CCDC158: variants seen among roughly 807,000 people sequenced by gnomAD.
The protein encoded by CCDC158 is coiled-coil domain containing 158.
A neutral mutation model predicts 138.6 loss-of-function variants in CCDC158; 116 were observed. That is an observed-to-expected ratio of 0.84 (90% CI 0.72 to 0.98). The LOEUF is 0.98. Among genes scored for constraint, CCDC158 ranks in the 50% least tolerant of loss-of-function variants. CCDC158 has a pLI of 0.00. For synonymous variants in CCDC158, 436 were observed against 442.4 expected, an observed-to-expected ratio of 0.99 and a Z score of 0.18; for missense variants, 1,265 against 1,306.1, an observed-to-expected ratio of 0.97 and a Z score of 0.48.
intron 4 of CCDC158, among the ~76,000 whole-genome samples, chr4:76,390,547 C>A (rs1183810585): frequency 6.6e-6 from 1 of 151,238 alleles, no homozygotes; most frequent in East Asian, 1.9e-4. Context: ...AGGAGGAATA[C>A]AGGAAGGAAA....
intron 2 of CCDC158, among the ~76,000 whole-genome samples, 164 bp downstream of exon 2, chr4:76,411,926 T>C (rs1217190500): frequency 6.6e-6 from 1 of 152,218 alleles, no homozygotes; most frequent in Non-Finnish European, 1.5e-5. Flanking sequence ...TTGCAGCTTT[T>C]ATATTGTAGG....
intron 2 of CCDC158, among the ~76,000 whole-genome samples, chr4:76,406,377 G>GAC (rs1423517827): frequency 1.3e-5 from 2 of 152,186 alleles, no homozygotes; most frequent in African/African-American, 2.4e-5. Context: ...GTAATAATGG[G>GAC]AGGCTTTAAC....
chr4:76,413,040 A>G (rs1560488604), intron 1 of CCDC158, among the ~76,000 whole-genome samples: 1 of 152,170 alleles, frequency 6.6e-6, no homozygotes, highest in African/African-American at 2.4e-5. Flanking sequence ...ACCAGGCAAC[A>G]TCACTTGTGC....
chr4:76,349,677 T>A (rs764383736), intron 18 of CCDC158, among the ~76,000 whole-genome samples: 5 of 151,696 alleles, frequency 3.3e-5, no homozygotes, highest in South Asian at 2.2e-4. Flanking sequence ...CAGGAAAAAA[T>A]AAATAAATAA....
chr4:76,413,146 C>T (rs889676415), intron 1 of CCDC158, among the ~76,000 whole-genome samples: 2 of 151,546 alleles, frequency 1.3e-5, no homozygotes, highest in African/African-American at 4.9e-5. Flanking sequence ...AATGATAAAC[C>T]ACCAAGATTT....
At chr4:76,348,639 T>C (rs1306705924) in intron 18 of CCDC158, among the ~76,000 whole-genome samples, 2 of 152,128 alleles carry the variant, frequency 1.3e-5, no homozygotes, top group South Asian at 4.1e-4. Flanking sequence ...GTAAAGAACT[T>C]GTTAAAAAAC....
At chr4:76,410,130 A>G (rs1349913228) in intron 2 of CCDC158, among the ~76,000 whole-genome samples, 1 of 152,114 alleles carries the variant, frequency 6.6e-6, no homozygotes, top group Non-Finnish European at 1.5e-5. Flanking sequence ...TTGTATGGCT[A>G]CTACTTAAGG....
chr4:76,328,548 T>A (rs1019016932), intron 22 of CCDC158, among the ~76,000 whole-genome samples: 4 of 152,238 alleles, frequency 2.6e-5, no homozygotes, highest in Non-Finnish European at 5.9e-5. Context: ...CTTCTCAAAG[T>A]GCTGGAATAA....
At chr4:76,409,898 T>C (rs1284859303) in intron 2 of CCDC158, among the ~76,000 whole-genome samples, 1 of 150,780 alleles carries the variant, frequency 6.6e-6, no homozygotes, top group African/African-American at 2.5e-5. Context: ...AGTTATTTGA[T>C]TGGAATGTTG....
In CCDC158 at chr4:76,367,340, A is replaced by G. The variant is rs1427581197; in HGVS notation, c.1784T>C (p.Leu595Pro). The G allele has an allele frequency of 6.2e-7, 1 of 1,613,752 alleles. No individual in the cohort carries two copies. ...CCGCCTATCATTAATTTCTTTCTCCAGTTGAGCTTTTTCTACTTGCATAGC... is the reference window on the plus strand; with the variant it reads ...CCGCCTATCATTAATTTCTTTCTCCGGTTGAGCTTTTTCTACTTGCATAGC... ...AGAMQVEKAQ[L>P]EKEINDRRME... The change falls in exon 12 of 25, where the codon CTG (leucine) becomes CCG (proline). Residue 595 changes from leucine (L) to proline (P), a missense_variant. Physicochemically the swap from Leu to Pro is moderately conservative, Grantham distance 98. Coordinates refer to ENST00000682701, the MANE Select transcript of CCDC158 (RefSeq NM_001394954.1).
chr4:76,346,770 AATCT>A (rs1389723084), intron 18 of CCDC158, among the ~76,000 whole-genome samples: 2 of 152,284 alleles, frequency 1.3e-5, no homozygotes, highest in East Asian at 1.9e-4. Context: ...AAATTTTTGC[AATCT>A]ATCTATCTGA....
At chr4:76,328,665 G>A (rs1720743693) in intron 22 of CCDC158, among the ~76,000 whole-genome samples, 1 of 152,190 alleles carries the variant, frequency 6.6e-6, no homozygotes, top group Non-Finnish European at 1.5e-5. Flanking sequence ...AAGGAGCTGA[G>A]GTTTTAGCAA....
chr4:76,323,514 CT>C (rs1335848175), intron 23 of CCDC158, 105 bp from the exon 24 acceptor site: 8 of 791,604 alleles, frequency 1.0e-5, no homozygotes, highest in Admixed American at 2.8e-5. Flanking sequence ...ATAAAGGGAA[CT>C]TTTTTTCATG....
chr4:76,339,786 A>G (rs1224219741), intron 18 of CCDC158, among the ~76,000 whole-genome samples: 2 of 152,224 alleles, frequency 1.3e-5, no homozygotes, highest in Non-Finnish European at 2.9e-5. Context: ...GATGCTGGCT[A>G]GCTGAAAAAT....
At chr4:76,382,835 G>C in intron 7 of CCDC158, 115 bp from the exon 8 acceptor site, 1 of 656,316 alleles carries the variant, frequency 1.5e-6, no homozygotes, top group Non-Finnish European at 2.6e-6. Context: ...CTTTGCTTTT[G>C]TATATGCTAC....
intron 4 of CCDC158, among the ~76,000 whole-genome samples, chr4:76,395,357 T>G (rs184995949): frequency 6.6e-6 from 1 of 152,176 alleles, no homozygotes; most frequent in African/African-American, 2.4e-5. Flanking sequence ...GATTTTTTTT[T>G]CCTAAAAGTG....
chr4:76,357,281 G>A, intron 14 of CCDC158, 93 bp downstream of exon 14: 1 of 749,520 alleles, frequency 1.3e-6, no homozygotes, highest in East Asian at 2.8e-5. Flanking sequence ...ACTGTGAAGA[G>A]GTGGTAGGTA....
At chr4:76,338,090 AC>A (rs750364795) in intron 18 of CCDC158, among the ~76,000 whole-genome samples, 54 of 152,258 alleles carry the variant, frequency 3.5e-4, no homozygotes, top group South Asian at 2.1e-4. Flanking sequence ...AGGAGTGCGA[AC>A]CCTCTTGTGA....
At chr4:76,351,324 T>C (rs926455588) in intron 17 of CCDC158, among the ~76,000 whole-genome samples, 1 of 152,168 alleles carries the variant, frequency 6.6e-6, no homozygotes, top group South Asian at 2.1e-4. Flanking sequence ...CGTTTTGTCA[T>C]GTAGATTACA....
Sources: gnomAD v4.1 joint callset for allele counts (sites outside exome capture counted in the v4.1 genomes callset) on GRCh38, gnomAD v4.1.1 for gene constraint, MANE v1.5 for transcripts, NCBI Gene and HGNC (gene_info 2026-07-23, HGNC 2026-07-21) for gene names.